Variants in EPHA6 observed in about 807,000 individuals in gnomAD.
EPHA6 encodes the protein EPH receptor A6.
Under a neutral mutation model 112.0 loss-of-function variants are expected in EPHA6, and 50 were observed. The ratio of observed to expected loss-of-function variants is 0.45; its 90% CI spans 0.36 to 0.56. The LOEUF is 0.56. EPHA6 is among the 20% of genes least tolerant of loss of function. EPHA6 has a pLI of 0.00. For synonymous variants in EPHA6, 529 were observed against 490.7 expected (o/e 1.08, Z -1.03); for missense variants, 1,280 against 1,417.4 (o/e 0.90, Z 1.56).
At chr3:97,620,171 A>G (rs754080811) in intron 13 of EPHA6, among the ~76,000 whole-genome samples, 8 of 152,050 alleles carry the variant, frequency 5.3e-5, no homozygotes, top group Admixed American at 3.3e-4. Context: ...TGAGGAAAAG[A>G]TTTCTTTATT....
intron 2 of EPHA6, among the ~76,000 whole-genome samples, chr3:96,892,954 A>ATGTGTG (rs144428670): frequency 0.023 from 3,013 of 132,346 alleles, 80 homozygotes; most frequent in East Asian, 0.063. Context: ...ATATATATAT[A>ATGTGTG]TGTGTGTGTG....
chr3:97,363,791 G>A (rs1577100377), intron 5 of EPHA6, among the ~76,000 whole-genome samples: 1 of 152,004 alleles, frequency 6.6e-6, no homozygotes, highest in South Asian at 2.1e-4. Flanking sequence ...AACAAAGGTG[G>A]TATACACATA....
chr3:96,851,011 A>G (rs1052563941), intron 1 of EPHA6, among the ~76,000 whole-genome samples: 1 of 152,168 alleles, frequency 6.6e-6, no homozygotes. Flanking sequence ...ATTAACAACT[A>G]TGTGATGTAG....
At chr3:96,985,100 C>T (rs185174457) in intron 2 of EPHA6, among the ~76,000 whole-genome samples, 1 of 152,114 alleles carries the variant, frequency 6.6e-6, no homozygotes, top group East Asian at 1.9e-4. Context: ...GAACCCGGTA[C>T]CTCAGTTGGA....
intron 11 of EPHA6, among the ~76,000 whole-genome samples, chr3:97,543,646 C>T (rs1418303982): frequency 6.6e-6 from 1 of 152,020 alleles, no homozygotes; most frequent in Non-Finnish European, 1.5e-5. Flanking sequence ...TCGTTGGTAG[C>T]TTGATGGGGA....
At chr3:97,114,596 A>G (rs2047825674) in intron 3 of EPHA6, among the ~76,000 whole-genome samples, 1 of 152,048 alleles carries the variant, frequency 6.6e-6, no homozygotes, top group Admixed American at 6.6e-5. Flanking sequence ...ATAAAAGAGG[A>G]TAATCAGTCT....
At chr3:97,269,057 G>T (rs545683199) in intron 5 of EPHA6, among the ~76,000 whole-genome samples, 2 of 152,264 alleles carry the variant, frequency 1.3e-5, no homozygotes, top group African/African-American at 4.8e-5. Flanking sequence ...GTTTTGTAAG[G>T]AAATCAAAAC....
chr3:96,967,000 C>T (rs535497526), intron 2 of EPHA6, among the ~76,000 whole-genome samples: 1 of 151,784 alleles, frequency 6.6e-6, no homozygotes, highest in Non-Finnish European at 1.5e-5. Context: ...AATTTTTAAC[C>T]ACTTAGGAAA....
rs1362234737 is a variant in EPHA6 at position 97,751,607 on chromosome 3, A to G, written c.*2906A>G. 5.3e-5 allele frequency among the ~76,000 whole-genome samples: 8 copies of G among 152,168 alleles called. No homozygotes were observed. Among genetic ancestry groups the G allele is most frequent in the African/African-American group, 1.9e-4 (8 of 41,466 alleles). On this transcript the variant is annotated 3_prime_UTR_variant, in exon 18 of 18. Coordinates refer to ENST00000389672, the MANE Select transcript of EPHA6 (RefSeq NM_001080448.3). ...ACAATATTCAGGAATATAAACAGTT[A>G]AAATGCCAAATTCATCTGAAAATTT...
At chr3:96,908,084 A>T (rs989471434) in intron 2 of EPHA6, among the ~76,000 whole-genome samples, 1 of 151,944 alleles carries the variant, frequency 6.6e-6, no homozygotes, top group African/African-American at 2.4e-5. Flanking sequence ...TATTATAGGC[A>T]GTTGTAACAC....
At chr3:97,325,474 A>G (rs928485485) in intron 5 of EPHA6, among the ~76,000 whole-genome samples, 1 of 152,068 alleles carries the variant, frequency 6.6e-6, no homozygotes, top group African/African-American at 2.4e-5. Flanking sequence ...TTATGGCCTC[A>G]TTTTAACTCA....
intron 11 of EPHA6, among the ~76,000 whole-genome samples, chr3:97,581,078 T>C (rs2093433134): frequency 1.3e-5 from 2 of 152,196 alleles, no homozygotes; most frequent in Non-Finnish European, 1.5e-5. Flanking sequence ...ACATAAGCAG[T>C]CCAAATTGCT....
intron 11 of EPHA6, among the ~76,000 whole-genome samples, chr3:97,549,796 G>A (rs1219041667): frequency 6.6e-6 from 1 of 151,744 alleles, no homozygotes; most frequent in East Asian, 1.9e-4. Context: ...GGGCGACAAG[G>A]CGAGACTCTG....
chr3:97,702,599 C>A (rs1344859261), intron 14 of EPHA6, among the ~76,000 whole-genome samples: 1 of 152,096 alleles, frequency 6.6e-6, no homozygotes, highest in African/African-American at 2.4e-5. Context: ...TATTATAATG[C>A]CTAATGATGA....
intron 13 of EPHA6, among the ~76,000 whole-genome samples, chr3:97,617,823 A>G (rs936439512): frequency 2.6e-5 from 4 of 152,200 alleles, no homozygotes; most frequent in Non-Finnish European, 5.9e-5. Context: ...CTCCCACACA[A>G]TAATAGTGGA....
chr3:97,591,244 A>G (rs1397869882), intron 11 of EPHA6, among the ~76,000 whole-genome samples: 1 of 152,200 alleles, frequency 6.6e-6, no homozygotes, highest in Non-Finnish European at 1.5e-5. Context: ...TCATGAAAAC[A>G]TTTCTAAAGA....
chr3:97,311,442 T>TCACACA (rs35415439), intron 5 of EPHA6, among the ~76,000 whole-genome samples: 10,857 of 144,076 alleles, frequency 0.075, 770 homozygotes, highest in Admixed American at 0.18. Context: ...GATTACACTT[T>TCACACA]CACACACACA....
chr3:97,591,536 T>C (rs1477103605), intron 11 of EPHA6, among the ~76,000 whole-genome samples: 1 of 152,042 alleles, frequency 6.6e-6, no homozygotes, highest in Non-Finnish European at 1.5e-5. Context: ...CTTACAATCA[T>C]CAGTGTAACT....
At chr3:97,509,473 T>G (rs914671578) in intron 10 of EPHA6, among the ~76,000 whole-genome samples, 1 of 152,128 alleles carries the variant, frequency 6.6e-6, no homozygotes, top group Non-Finnish European at 1.5e-5. Flanking sequence ...ATGAAATTCT[T>G]CGTTGAAAAT....
Sources: allele counts gnomAD v4.1 joint callset (sites outside exome capture counted in the v4.1 genomes callset), GRCh38; gene constraint gnomAD v4.1.1; transcripts MANE v1.5; gene names NCBI Gene and HGNC (gene_info 2026-07-23, HGNC 2026-07-21).